The following NFATC2IP variants were observed in gnomAD, a reference collection of about 807,000 sequenced individuals.
NFATC2IP encodes NFATC2-interacting protein.
In NFATC2IP, 25 loss-of-function variants were observed where a neutral mutation model predicts 40.2. The observed-to-expected ratio is 0.62, with a 90% CI of 0.45 to 0.87. The LOEUF is 0.87. NFATC2IP is among the 40% of genes least tolerant of loss of function. NFATC2IP has a pLI of 0.00. For missense variants in NFATC2IP, 553 were observed against 555.6 expected, an observed-to-expected ratio of 1.00 and a Z score of 0.05; for synonymous variants, 241 against 236.3, an observed-to-expected ratio of 1.02 and a Z score of -0.18.
rs780184072 is a variant in NFATC2IP, at chr16:28,959,082, G to C, written c.1083G>C (p.Leu361=). 6.2e-7 allele frequency: 1 copy of C among 1,612,030 alleles called. No homozygotes were observed. Among genetic ancestry groups the C allele is most frequent in the East Asian group, 2.2e-5 (1 of 44,856 alleles). ...RVQGKEKHQT[L]EVSLSRDSPL... The stretch of plus-strand genomic sequence containing the variant: ...AGGGAAAGGAGAAACACCAGACACT[G>C]GAAGTCTCACTGTCTCGAGTGAGTG... The change falls in exon 7 of 8, where the codon CTG becomes CTC. Residue 361 remains leucine, a synonymous_variant. Coordinates refer to ENST00000320805, the MANE Select transcript of NFATC2IP (RefSeq NM_032815.4).
Position 28,951,336 on chromosome 16 carries a change from C to T in NFATC2IP, c.325C>T (p.Arg109Trp). 7.3e-7 allele frequency: 1 copy of T among 1,368,956 alleles called. No individual in the cohort carries two copies. The highest frequency in any genetic ancestry group is 9.5e-7 in the Non-Finnish European group (1 of 1,057,754). The allele number at this position is 1,368,956 out of a possible 1,614,324, so 84.8% of individuals were successfully genotyped here. A position where few individuals can be genotyped will look rare whatever the true frequency, so the allele number is the denominator to read the frequency against. ...AGGACCCCCGCGGGAGCCGGTCAGG[C>T]GGCGGCGGCGGCTGGTGCTGGATCC... ...PAGPPREPVR[R>W]RRRLVLDPGE... The change falls in exon 1 of 8, where the codon CGG becomes TGG. Residue 109 changes from arginine (R) to tryptophan (W), a missense_variant. Coordinates refer to ENST00000320805, the MANE Select transcript of NFATC2IP (RefSeq NM_032815.4).
chr16:28,958,010 C>T (rs779660994), intron 5 of NFATC2IP, among the ~76,000 whole-genome samples: 1 of 151,916 alleles, frequency 6.6e-6, no homozygotes, highest in African/African-American at 2.4e-5. Flanking sequence ...CCACTGCCTT[C>T]CAGCCTGGAT....
intron 6 of NFATC2IP, 33 bp downstream of exon 6, chr16:28,958,894 G>T (rs1483383021): frequency 6.2e-7 from 1 of 1,612,432 alleles, no homozygotes. Context: ...GGGCCTTGAG[G>T]CATTTGCCAG....
intron 3 of NFATC2IP, among the ~76,000 whole-genome samples, chr16:28,955,433 T>C (rs967026590): frequency 6.6e-5 from 10 of 152,092 alleles, no homozygotes; most frequent in African/African-American, 2.4e-4. Context: ...TCGGATATTA[T>C]TGGACATTTT....
Position 28,958,705 on chromosome 16 carries a change from C to A in NFATC2IP, c.847-12C>A. On this transcript the variant is annotated splice_polypyrimidine_tract_variant and intron_variant, in intron 5 of 7. Coordinates refer to ENST00000320805, the MANE Select transcript of NFATC2IP (RefSeq NM_032815.4). Reference sequence around the variant, plus strand: ...CAGGAAGACCTCTTTTGCTTGTTGTCCCCATCCCTAGTCGGAGCCCCTGCA... The same window carrying A: ...CAGGAAGACCTCTTTTGCTTGTTGTACCCATCCCTAGTCGGAGCCCCTGCA... The A allele has an allele frequency of 6.2e-7, 1 of 1,602,038 alleles. No homozygotes were observed. Among genetic ancestry groups the A allele is most frequent in the Non-Finnish European group, 8.5e-7 (1 of 1,174,364 alleles).
At chr16:28,959,265 C>T (rs1198327921) in intron 7 of NFATC2IP, among the ~76,000 whole-genome samples, 165 bp downstream of exon 7, 1 of 152,168 alleles carries the variant, frequency 6.6e-6, no homozygotes, top group Non-Finnish European at 1.5e-5. Context: ...GAAAACCCAT[C>T]GTTCAACTTC....
chr16:28,963,727 T>G lies in NFATC2IP; in HGVS notation c.1124T>G (p.Met375Arg). 1.9e-6 allele frequency: 3 copies of G among 1,614,110 alleles called. No individual in the cohort carries two copies. The highest frequency in any genetic ancestry group is 2.5e-6 in the Non-Finnish European group (3 of 1,179,926). ...LSRDSPLKTLMSHYEEAMGLS... is the reference protein window; with the variant it reads ...LSRDSPLKTLRSHYEEAMGLS... ...CAGGATTCCCCTCTAAAGACCCTCA[T>G]GTCCCACTATGAGGAGGCCATGGGA... Residue 375 changes from methionine (M) to arginine (R), a missense_variant, in exon 8 of 8, where the codon ATG becomes AGG. Transcript: ENST00000320805.
intron 3 of NFATC2IP, 122 bp from the exon 4 acceptor site, chr16:28,955,856 T>A: frequency 2.5e-6 from 2 of 789,530 alleles, no homozygotes; most frequent in Non-Finnish European, 4.2e-6. Flanking sequence ...CCAAAAGTGC[T>A]GGGATTACAG....
rs1446608768 is a variant in NFATC2IP, at chr16:28,952,181, T to C, written c.437T>C (p.Leu146Pro). The C allele has an allele frequency of 1.2e-6, 2 of 1,613,484 alleles. No homozygotes were observed. Among genetic ancestry groups the C allele is most frequent in the Non-Finnish European group, 1.7e-6 (2 of 1,179,544 alleles). Residue 146 changes from leucine (L) to proline (P), a missense_variant, in exon 2 of 8, where the codon CTC (leucine) becomes CCC (proline). Coordinates refer to ENST00000320805, the MANE Select transcript of NFATC2IP (RefSeq NM_032815.4). ...LIPDDLSLLK[L>P]YPPGDEEEAE... ...CCAGATGATCTATCCCTCCTGAAACTCTACCCTCCAGGGGATGAGGAAGGT... is the reference window on the plus strand; with the variant it reads ...CCAGATGATCTATCCCTCCTGAAACCCTACCCTCCAGGGGATGAGGAAGGT...
Position 28,963,886 on chromosome 16 carries a change from C to T in NFATC2IP, c.*23C>T, listed in dbSNP as rs1965115802. On this transcript the variant is annotated 3_prime_UTR_variant, in exon 8 of 8. Coordinates refer to ENST00000320805, the MANE Select transcript of NFATC2IP (RefSeq NM_032815.4). ...TGACACCCCACTCCCTGTTTGACGG[C>T]CCAGCCTGGACTTGGGGAGAATGAC... The T allele has an allele frequency of 6.2e-7, 1 of 1,611,902 alleles. No individual in the cohort carries two copies. The highest frequency in any genetic ancestry group is 8.5e-7 in the Non-Finnish European group (1 of 1,178,138).
Position 28,952,179 on chromosome 16 carries a change from ACT to A in NFATC2IP, c.438_439del (p.Tyr147ProfsTer5). 1 of 1,613,226 alleles carries A rather than the reference ACT, an allele frequency of 6.2e-7. No individual in the cohort carries two copies. The highest frequency in any genetic ancestry group is 1.3e-5 in the African/African-American group (1 of 74,848). ...LIPDDLSLLK[L>X]YPPGDEEEAE... is the part of the protein sequence containing the mutation. ...TCCCAGATGATCTATCCCTCCTGAA[ACT>A]CTACCCTCCAGGGGATGAGGAAGGT... On this transcript the variant is annotated frameshift_variant, in exon 2 of 8. Coordinates refer to ENST00000320805, the MANE Select transcript of NFATC2IP (RefSeq NM_032815.4). LOFTEE classifies it high-confidence loss of function.
chr16:28,955,424 C>G (rs547452311), intron 3 of NFATC2IP, among the ~76,000 whole-genome samples: 1 of 151,988 alleles, frequency 6.6e-6, no homozygotes, highest in African/African-American at 2.4e-5. Context: ...TGCCGTCTGT[C>G]GGATATTATT....
chr16:28,959,917 T>C (rs1178838159), intron 7 of NFATC2IP, among the ~76,000 whole-genome samples: 1 of 152,178 alleles, frequency 6.6e-6, no homozygotes, highest in Non-Finnish European at 1.5e-5. Context: ...ACAAATTGGG[T>C]GGCTTAAAAC....
intron 2 of NFATC2IP, 197 bp downstream of exon 2, chr16:28,952,401 C>G (rs1004075710): frequency 2.5e-6 from 2 of 809,780 alleles, no homozygotes; most frequent in Non-Finnish European, 3.7e-6. Context: ...TCTGGTGCCA[C>G]CTGAAGAGAT....
chr16:28,962,919 C>A (rs11642727), intron 7 of NFATC2IP, among the ~76,000 whole-genome samples: 41,470 of 152,120 alleles, frequency 0.27, 6,793 homozygotes, highest in Middle Eastern at 0.36. Context: ...TGCGGGGGCT[C>A]ACGCCTGTCA....
chr16:28,959,382 C>T (rs1204696931), intron 7 of NFATC2IP, among the ~76,000 whole-genome samples: 2 of 152,098 alleles, frequency 1.3e-5, no homozygotes. Context: ...ATCAATAAAA[C>T]CCATCAAAAT....
chr16:28,952,589 C>G (rs1964979477), intron 2 of NFATC2IP: 1 of 231,864 alleles, frequency 4.3e-6, no homozygotes, highest in Non-Finnish European at 8.6e-6. Flanking sequence ...GCAAACAACT[C>G]AAGGGCGGGG....
At position 28,964,177 on chromosome 16, in the gene NFATC2IP, T is replaced by C. The variant is rs1026554232; in HGVS notation, c.*314T>C. The C allele has an allele frequency of 3.4e-5, 11 of 318,864 alleles. No individual in the cohort carries two copies. The highest frequency in any genetic ancestry group is 3.4e-4 in the Admixed American group (8 of 23,674). 19.8% of individuals were successfully genotyped at this position (318,864 alleles called of 1,614,324 possible). A position where few individuals can be genotyped will look rare whatever the true frequency, so the allele number is the denominator to read the frequency against. On this transcript the variant is annotated 3_prime_UTR_variant, in exon 8 of 8. Coordinates refer to ENST00000320805, the MANE Select transcript of NFATC2IP (RefSeq NM_032815.4). Reference sequence around the variant, plus strand: ...CACCATCCTCTTTTCCTCATGGAAATGTCTGCTTTATGAAACTATGCACAT... The same window carrying C: ...CACCATCCTCTTTTCCTCATGGAAACGTCTGCTTTATGAAACTATGCACAT...
intron 7 of NFATC2IP, among the ~76,000 whole-genome samples, chr16:28,963,146 G>A (rs561792489): frequency 5.2e-4 from 79 of 152,226 alleles, no homozygotes; most frequent in East Asian, 1.4e-3. Context: ...CCAGTCCCAC[G>A]GCATTAGCAC....
Sources: gnomAD v4.1 joint callset for allele counts (sites outside exome capture counted in the v4.1 genomes callset) on GRCh38, gnomAD v4.1.1 for gene constraint, MANE v1.5 for transcripts, NCBI Gene and HGNC (gene_info 2026-07-23, HGNC 2026-07-21) for gene names.